The following SNX29 variants were observed in gnomAD, a reference collection of about 807,000 sequenced individuals.
SNX29 encodes the protein sorting nexin-29.
A neutral mutation model predicts 102.1 loss-of-function variants in SNX29; 78 were observed. The observed-to-expected ratio is 0.76, with a 90% CI of 0.64 to 0.92. The LOEUF is 0.92. Ranked by LOEUF, SNX29 falls within the 40% of genes least tolerant of loss-of-function variation. The probability of loss-of-function intolerance (pLI) is 0.00; values close to 1 mark genes in which losing one functional copy is unlikely to be tolerated. For missense variants in SNX29, 1,280 were observed against 1,061.7 expected, an observed-to-expected ratio of 1.21 and a Z score of -2.86; for synonymous variants, 580 against 414.5, an observed-to-expected ratio of 1.40 and a Z score of -4.85.
At chr16:12,539,117 C>CA (rs1195708814) in intron 20 of SNX29, among the ~76,000 whole-genome samples, 1 of 152,124 alleles carries the variant, frequency 6.6e-6, no homozygotes, top group African/African-American at 2.4e-5. Context: ...TTTACTTTCA[C>CA]AAAAAATTTT....
intron 18 of SNX29, among the ~76,000 whole-genome samples, chr16:12,418,518 T>A (rs1206866576): frequency 1.0e-5 from 1 of 100,032 alleles, no homozygotes; most frequent in Non-Finnish European, 2.4e-5. Flanking sequence ...CTGGGTTTTC[T>A]TTTCTTTTTT....
chr16:12,073,892 T>C (rs1037842694), intron 10 of SNX29, among the ~76,000 whole-genome samples: 18 of 152,036 alleles, frequency 1.2e-4, no homozygotes, highest in African/African-American at 4.3e-4. Context: ...TTAGCTCTTC[T>C]TGTTGAATTG....
chr16:12,000,649 A>G (rs2056255014), intron 2 of SNX29, among the ~76,000 whole-genome samples: 1 of 152,038 alleles, frequency 6.6e-6, no homozygotes, highest in Admixed American at 6.6e-5. Flanking sequence ...TTAGCCTCCT[A>G]AGTGGCTGGG....
At chr16:12,015,647 T>C (rs1382871974) in intron 3 of SNX29, among the ~76,000 whole-genome samples, 7 of 151,524 alleles carry the variant, frequency 4.6e-5, no homozygotes, top group African/African-American at 1.5e-4. Context: ...ACCATTCTCC[T>C]GTCTCAGCCT....
intron 15 of SNX29, among the ~76,000 whole-genome samples, chr16:12,329,283 A>AAAAAT (rs1305296377): frequency 1.2e-3 from 177 of 151,066 alleles, no homozygotes; most frequent in African/African-American, 4.1e-3. Flanking sequence ...TCTCAAAAAA[A>AAAAAT]AAAAAAAAAA....
intron 20 of SNX29, among the ~76,000 whole-genome samples, chr16:12,558,623 C>T (rs1476580331): frequency 1.3e-5 from 2 of 152,178 alleles, no homozygotes; most frequent in African/African-American, 4.8e-5. Flanking sequence ...CAGTGCAGGC[C>T]CCGAGCTTAA....
intron 18 of SNX29, among the ~76,000 whole-genome samples, chr16:12,475,134 G>A (rs1398779094): frequency 1.3e-5 from 2 of 152,238 alleles, no homozygotes; most frequent in African/African-American, 2.4e-5. Flanking sequence ...TGTAGATGAG[G>A]AAATGAATGG....
chr16:12,290,682 C>G (rs1298874252), intron 15 of SNX29, among the ~76,000 whole-genome samples: 2 of 152,194 alleles, frequency 1.3e-5, no homozygotes, highest in Non-Finnish European at 2.9e-5. Flanking sequence ...TTTGTAGACA[C>G]ATAGGACAGA....
In SNX29 at chr16:12,445,827, C is replaced by T. The variant is rs114526708; in HGVS notation, c.2038-31892C>T. 8.4e-3 allele frequency among the ~76,000 whole-genome samples: 1,282 copies of T among 152,206 alleles called. 21 individuals carry two copies. Among genetic ancestry groups the T allele is most frequent in the African/African-American group, 0.029 (1,213 of 41,540 alleles). ...TTAACCAATTCAAGCCTCGGGACAA[C>T]GCTAGGAAGAAACTCCTGCTGCTGC... On this transcript the variant is annotated intron_variant, in intron 18 of 20. Coordinates refer to ENST00000566228, the MANE Select transcript of SNX29 (RefSeq NM_032167.5).
chr16:12,299,721 C>G lies in SNX29; in HGVS notation c.1782+21685C>G, dbSNP rs118071118. Among the ~76,000 whole-genome samples the G allele has an allele frequency of 5.1e-3, 776 of 151,862 alleles. 41 individuals are homozygous for G. In the East Asian group the frequency reaches 0.12, roughly 23 times the overall value. On this transcript the variant is annotated intron_variant, in intron 15 of 20. Coordinates refer to ENST00000566228, the MANE Select transcript of SNX29 (RefSeq NM_032167.5). Reference sequence around the variant, plus strand: ...TCCCTCCCTTTCCCCCACCCCATCCCTTCTTTTTTAGTAGACTATATATTA... The same window carrying G: ...TCCCTCCCTTTCCCCCACCCCATCCGTTCTTTTTTAGTAGACTATATATTA...
intron 20 of SNX29, among the ~76,000 whole-genome samples, chr16:12,531,098 C>T (rs1261157953): frequency 6.6e-6 from 1 of 152,192 alleles, no homozygotes; most frequent in Non-Finnish European, 1.5e-5. Context: ...TAAATTTTTC[C>T]TGACATCACT....
At chr16:12,264,131 C>G (rs1441621505) in intron 14 of SNX29, among the ~76,000 whole-genome samples, 1 of 152,216 alleles carries the variant, frequency 6.6e-6, no homozygotes, top group Admixed American at 6.5e-5. Context: ...GAGCCCCTTG[C>G]AGAAAGTGGC....
chr16:12,213,933 G>A (rs1183029931), intron 14 of SNX29, among the ~76,000 whole-genome samples: 1 of 152,164 alleles, frequency 6.6e-6, no homozygotes, highest in Admixed American at 6.5e-5. Context: ...CTTGTGGGAG[G>A]ATGAGGCTGT....
intron 19 of SNX29, among the ~76,000 whole-genome samples, 182 bp from the exon 20 acceptor site, chr16:12,524,520 C>T (rs1282796780): frequency 6.6e-6 from 1 of 150,554 alleles, no homozygotes; most frequent in Non-Finnish European, 1.5e-5. Context: ...ATATCGTGAG[C>T]ATCTTTCTTG....
intron 20 of SNX29, among the ~76,000 whole-genome samples, chr16:12,532,109 CTCATTAGTCAGGATT>C (rs2076948217): frequency 6.6e-6 from 1 of 152,196 alleles, no homozygotes; most frequent in African/African-American, 2.4e-5. Context: ...TGGTCACGAT[CTCATTAGTCAGGATT>C]GCCTTGCACT....
At chr16:12,135,637 C>T (rs2054633176) in intron 13 of SNX29, 9 of 1,336,918 alleles carry the variant, frequency 6.7e-6, no homozygotes, top group Admixed American at 2.2e-5. Flanking sequence ...TCAACAGTTC[C>T]TGATAGTCTC....
intron 20 of SNX29, among the ~76,000 whole-genome samples, chr16:12,563,292 C>G (rs906841982): frequency 2.6e-5 from 4 of 152,090 alleles, no homozygotes; most frequent in African/African-American, 4.8e-5. Flanking sequence ...GGATCCACAG[C>G]TCGGAAAGTC....
intron 11 of SNX29, among the ~76,000 whole-genome samples, chr16:12,108,583 C>G (rs185078968): frequency 5.9e-5 from 9 of 152,264 alleles, no homozygotes; most frequent in African/African-American, 1.7e-4. Flanking sequence ...ATGCGGGAAC[C>G]TCCATAGCCT....
At chr16:12,557,055 C>T (rs189851296) in intron 20 of SNX29, among the ~76,000 whole-genome samples, 80 of 142,242 alleles carry the variant, frequency 5.6e-4, no homozygotes, top group African/African-American at 1.9e-3. Context: ...CTATGTGGCC[C>T]AGGCTGGCCT....
Sources: allele counts gnomAD v4.1 joint callset (sites outside exome capture counted in the v4.1 genomes callset), GRCh38; gene constraint gnomAD v4.1.1; transcripts MANE v1.5; gene names NCBI Gene and HGNC (gene_info 2026-07-23, HGNC 2026-07-21).